Variants in GMDS observed in about 807,000 individuals in gnomAD.
GMDS encodes the protein GDP-mannose 4,6 dehydratase.
In GMDS, 20 loss-of-function variants were observed where a neutral mutation model predicts 49.9. The observed-to-expected ratio is 0.40, with a 90% CI of 0.28 to 0.58. The LOEUF (loss-of-function observed/expected upper bound fraction) is 0.58. Among genes scored for constraint, GMDS ranks in the 20% least tolerant of loss-of-function variants. The pLI is 0.42. For synonymous variants in GMDS, 177 were observed against 178.6 expected (o/e 0.99, Z 0.07); for missense variants, 362 against 481.4 (o/e 0.75, Z 2.32).
intron 4 of GMDS, among the ~76,000 whole-genome samples, chr6:2,062,923 G>T (rs939655364): frequency 6.6e-6 from 1 of 152,228 alleles, no homozygotes; most frequent in Admixed American, 6.5e-5. Flanking sequence ...CACTTGTAAG[G>T]GTTGGCAATA....
intron 7 of GMDS, among the ~76,000 whole-genome samples, chr6:1,746,795 G>A (rs1023437551): frequency 2.0e-5 from 3 of 151,742 alleles, no homozygotes; most frequent in Admixed American, 6.6e-5. Flanking sequence ...TCCGCCTCCC[G>A]GGTTCAAGCG....
intron 4 of GMDS, among the ~76,000 whole-genome samples, chr6:2,075,765 T>C (rs1314469905): frequency 6.6e-6 from 1 of 152,224 alleles, no homozygotes; most frequent in Admixed American, 6.5e-5. Flanking sequence ...TCTTTGGGTA[T>C]ATACCCAGTA....
At chr6:2,239,347 AT>A (rs1366483130) in intron 1 of GMDS, among the ~76,000 whole-genome samples, 3 of 151,304 alleles carry the variant, frequency 2.0e-5, no homozygotes, top group Non-Finnish European at 4.4e-5. Flanking sequence ...AAAAAAAAAA[AT>A]CCAATTGGCT....
At chr6:1,703,312 T>C (rs1165074588) in intron 9 of GMDS, among the ~76,000 whole-genome samples, 2 of 152,154 alleles carry the variant, frequency 1.3e-5, no homozygotes, top group Admixed American at 1.3e-4. Flanking sequence ...ATGTTTTAAC[T>C]GATAGTTTGT....
At chr6:2,147,507 C>T (rs1776619958) in intron 1 of GMDS, among the ~76,000 whole-genome samples, 3 of 152,122 alleles carry the variant, frequency 2.0e-5, no homozygotes, top group East Asian at 3.9e-4. Flanking sequence ...GAAGGAAAGA[C>T]CTAGACATCG....
At chr6:1,986,373 C>G (rs9503060) in intron 4 of GMDS, among the ~76,000 whole-genome samples, 1 of 151,856 alleles carries the variant, frequency 6.6e-6, no homozygotes, top group Non-Finnish European at 1.5e-5. Context: ...CGTGGTACAA[C>G]GGCAGGGAAA....
chr6:1,947,848 C>T (rs1223813167), intron 6 of GMDS, among the ~76,000 whole-genome samples: 1 of 152,220 alleles, frequency 6.6e-6, no homozygotes, highest in Non-Finnish European at 1.5e-5. Flanking sequence ...ACCTACTTTA[C>T]TTATCACTTA....
chr6:2,173,124 C>A (rs902373037), intron 1 of GMDS, among the ~76,000 whole-genome samples: 1 of 152,106 alleles, frequency 6.6e-6, no homozygotes, highest in Non-Finnish European at 1.5e-5. Flanking sequence ...GAAATCTGCA[C>A]TTCTAGGTTA....
At chr6:1,875,897 T>C (rs1195551536) in intron 7 of GMDS, among the ~76,000 whole-genome samples, 2 of 151,922 alleles carry the variant, frequency 1.3e-5, no homozygotes, top group African/African-American at 2.4e-5. Flanking sequence ...TGGTGGCACA[T>C]GGCTGTAATC....
chr6:2,235,188 CAG>C (rs1371889974), intron 1 of GMDS, among the ~76,000 whole-genome samples: 1 of 152,140 alleles, frequency 6.6e-6, no homozygotes, highest in Non-Finnish European at 1.5e-5. Context: ...CCACAGCCAA[CAG>C]AGTTAGAATC....
At chr6:1,699,910 C>G (rs1451866258) in intron 9 of GMDS, among the ~76,000 whole-genome samples, 1 of 152,248 alleles carries the variant, frequency 6.6e-6, no homozygotes, top group Non-Finnish European at 1.5e-5. Flanking sequence ...GCACACACAG[C>G]CTCCATACGC....
chr6:2,151,084 TAGAA>T (rs1281750797), intron 1 of GMDS, among the ~76,000 whole-genome samples: 7 of 152,214 alleles, frequency 4.6e-5, no homozygotes, highest in African/African-American at 1.2e-4. Context: ...AAAAAATAGT[TAGAA>T]AGAATAAGAC....
chr6:2,114,219 ATC>A (rs1774716345), intron 4 of GMDS, among the ~76,000 whole-genome samples: 2 of 152,196 alleles, frequency 1.3e-5, no homozygotes, highest in African/African-American at 4.8e-5. Flanking sequence ...GTGATAAACT[ATC>A]TATGATTACA....
intron 1 of GMDS, among the ~76,000 whole-genome samples, chr6:2,157,029 T>C (rs1229414456): frequency 6.6e-6 from 1 of 152,226 alleles, no homozygotes; most frequent in Admixed American, 6.5e-5. Context: ...TATTCCTTCA[T>C]ATTCCAGAGG....
chr6:2,034,661 C>G (rs138145383), intron 4 of GMDS, among the ~76,000 whole-genome samples: 8 of 152,300 alleles, frequency 5.3e-5, no homozygotes, highest in African/African-American at 1.9e-4. Flanking sequence ...CAACAGTTCT[C>G]AAAGTACGGT....
At chr6:2,048,409 G>A (rs1012598871) in intron 4 of GMDS, among the ~76,000 whole-genome samples, 9 of 152,094 alleles carry the variant, frequency 5.9e-5, no homozygotes, top group African/African-American at 2.2e-4. Flanking sequence ...TTACTCTCAG[G>A]CCAATGCCTC....
At chr6:1,667,082 T>C (rs533082504) in intron 9 of GMDS, among the ~76,000 whole-genome samples, 1 of 152,324 alleles carries the variant, frequency 6.6e-6, no homozygotes, top group East Asian at 1.9e-4. Flanking sequence ...GCCCACCCCA[T>C]GCCTCTACCA....
At chr6:1,958,972 G>A (rs1355460653) in intron 6 of GMDS, among the ~76,000 whole-genome samples, 1 of 152,152 alleles carries the variant, frequency 6.6e-6, no homozygotes, top group African/African-American at 2.4e-5. Flanking sequence ...GGGAACAAGA[G>A]AACTAGCACG....
chr6:2,145,668 C>T (rs980396244), intron 1 of GMDS, among the ~76,000 whole-genome samples: 11 of 152,082 alleles, frequency 7.2e-5, no homozygotes, highest in African/African-American at 2.4e-4. Context: ...AATAAAAAAA[C>T]AGCAATGCCA....
Sources: allele counts gnomAD v4.1 joint callset (sites outside exome capture counted in the v4.1 genomes callset), GRCh38; gene constraint gnomAD v4.1.1; transcripts MANE v1.5; gene names NCBI Gene and HGNC (gene_info 2026-07-23, HGNC 2026-07-21).